ADGRL2: variants seen among roughly 807,000 people sequenced by gnomAD.
ADGRL2 encodes adhesion G protein-coupled receptor L2.
In ADGRL2, 44 loss-of-function variants were observed where a neutral mutation model predicts 157.4. The ratio of observed to expected loss-of-function variants is 0.28; its 90% CI spans 0.22 to 0.36. ADGRL2 has a LOEUF of 0.36. Among genes scored for constraint, ADGRL2 ranks in the 10% least tolerant of loss-of-function variants. ADGRL2 has a pLI of 1.00. For missense variants in ADGRL2, 1,510 were observed against 1,768.9 expected (o/e 0.85, Z 2.63); for synonymous variants, 585 against 624.7 (o/e 0.94, Z 0.95).
chr1:81,990,145 A>ATTT (rs1664293527), intron 23 of ADGRL2: 1 of 985,212 alleles, frequency 1.0e-6, no homozygotes, highest in African/African-American at 1.7e-5. Flanking sequence ...TGAAATTGAT[A>ATTT]AAGTATTACT....
intron 3 of ADGRL2, among the ~76,000 whole-genome samples, chr1:81,582,485 G>A (rs895641099): frequency 2.6e-5 from 4 of 152,030 alleles, no homozygotes; most frequent in East Asian, 1.9e-4. Flanking sequence ...TTCCTTACAT[G>A]TTTTGAAAAG....
intron 3 of ADGRL2, among the ~76,000 whole-genome samples, chr1:81,691,019 T>C (rs2148989920): frequency 6.6e-6 from 1 of 152,332 alleles, no homozygotes; most frequent in African/African-American, 2.4e-5. Flanking sequence ...GGAAAATTTA[T>C]GAGATTCGTA....
intron 3 of ADGRL2, among the ~76,000 whole-genome samples, chr1:81,908,855 A>G (rs1376256105): frequency 6.8e-6 from 1 of 146,290 alleles, no homozygotes; most frequent in Admixed American, 7.0e-5. Context: ...CTTAACTGTC[A>G]TCTGTACATC....
rs182057611 is a variant in ADGRL2 at position 81,358,120 on chromosome 1, C to T, written c.-302+51611C>T. Among the ~76,000 whole-genome samples the T allele has an allele frequency of 5.2e-3, 791 of 152,204 alleles. 5 individuals are homozygous for T. The highest frequency in any genetic ancestry group is 7.2e-3 in the Non-Finnish European group (488 of 67,998). The stretch of plus-strand genomic sequence containing the variant: ...CAAGCCCCCAGCGTGAAAATTAGAC[C>T]TCTAATTCCCTTGTCAACATAATTT... On this transcript the variant is annotated intron_variant, in intron 1 of 24. Transcript: ENST00000370721.
chr1:81,520,544 G>A (rs1450085871), intron 2 of ADGRL2, among the ~76,000 whole-genome samples: 1 of 152,116 alleles, frequency 6.6e-6, no homozygotes, highest in Non-Finnish European at 1.5e-5. Context: ...TCATGGGGGT[G>A]GTTTCTCCCA....
At chr1:81,555,780 C>A (rs890434631) in intron 2 of ADGRL2, among the ~76,000 whole-genome samples, 1 of 152,068 alleles carries the variant, frequency 6.6e-6, no homozygotes. Context: ...CCTTCCTTAA[C>A]GGAAAATGTT....
chr1:81,611,137 A>G (rs1410673771), intron 3 of ADGRL2, among the ~76,000 whole-genome samples: 1 of 152,202 alleles, frequency 6.6e-6, no homozygotes, highest in Non-Finnish European at 1.5e-5. Flanking sequence ...TGATAATCCT[A>G]TCCTTCTTAA....
chr1:81,810,180 A>C (rs1469368581), intron 1 of ADGRL2, among the ~76,000 whole-genome samples: 8 of 151,970 alleles, frequency 5.3e-5, no homozygotes. Flanking sequence ...CTAATCATTT[A>C]TTCTTAACAT....
At chr1:81,380,370 G>A (rs938401098) in intron 1 of ADGRL2, among the ~76,000 whole-genome samples, 4 of 152,188 alleles carry the variant, frequency 2.6e-5, no homozygotes, top group Middle Eastern at 3.4e-3. Context: ...CATATTTTAT[G>A]TTTATAAAGC....
chr1:81,596,565 C>A, intron 3 of ADGRL2: 2 of 293,316 alleles, frequency 6.8e-6, no homozygotes, highest in South Asian at 3.6e-5. Context: ...AGCGGTGAGT[C>A]AGGAGAAGGA....
Position 81,943,556 on chromosome 1 carries a change from C to G in ADGRL2, c.997C>G (p.Gln333Glu). 1.2e-6 allele frequency: 2 copies of G among 1,613,706 alleles called. No individual in the cohort carries two copies. Among genetic ancestry groups the G allele is most frequent in the Non-Finnish European group, 1.7e-6 (2 of 1,179,736 alleles). ...CCTCTATGTGGTTAGGTCAGTTTAT[C>G]AAGACAATGAAAGTGAAACAGGCAA... ...GVLYVVRSVY[Q>E]DNESETGKNS... The change falls in exon 6 of 24, where the codon CAA (glutamine) becomes GAA (glutamate). Residue 333 changes from glutamine (Q) to glutamate (E), a missense_variant. Gln to Glu is a conservative substitution (Grantham distance 29). This residue lies in a region of ADGRL2 where 361 missense variants were observed against 498.4 expected (regional missense o/e 0.72). Coordinates refer to ENST00000686636, the MANE Select transcript of ADGRL2 (RefSeq NM_001366006.2). This position sits in a 1 kb window ranked among gnomAD's most constrained non-coding sequence, Gnocchi z 5.6.
chr1:81,772,971 C>T (rs989843796), intron 2 of ADGRL2, among the ~76,000 whole-genome samples: 1 of 152,070 alleles, frequency 6.6e-6, no homozygotes, highest in African/African-American at 2.4e-5. Context: ...GCCCAAATCT[C>T]CAGGACTTTC....
At chr1:81,512,268 G>A (rs1466623046) in intron 2 of ADGRL2, among the ~76,000 whole-genome samples, 3 of 120,228 alleles carry the variant, frequency 2.5e-5, no homozygotes, top group Non-Finnish European at 4.6e-5. Context: ...TTCTTACAGG[G>A]AGACTATGTG....
chr1:81,968,256 C>A, intron 14 of ADGRL2, 57 bp downstream of exon 14: 1 of 1,422,184 alleles, frequency 7.0e-7, no homozygotes, highest in East Asian at 2.3e-5. Context: ...TTCAAAACAG[C>A]TTGTATAATA....
intron 2 of ADGRL2, among the ~76,000 whole-genome samples, chr1:81,555,869 A>C (rs2080262692): frequency 6.6e-6 from 1 of 152,200 alleles, no homozygotes; most frequent in South Asian, 2.1e-4. Context: ...AGCAAGCTTT[A>C]GCCCCTTGTA....
At chr1:81,955,844 TC>T (rs748744873) in intron 10 of ADGRL2, 32 bp from the exon 11 acceptor site, 1 of 1,449,348 alleles carries the variant, frequency 6.9e-7, no homozygotes, top group African/African-American at 1.4e-5. Flanking sequence ...CTAAAAGCGG[TC>T]AAAACTAATG....
At chr1:81,347,225 G>A (rs907527574) in intron 1 of ADGRL2, among the ~76,000 whole-genome samples, 3 of 151,820 alleles carry the variant, frequency 2.0e-5, no homozygotes, top group Admixed American at 6.6e-5. Context: ...GTGGCAAAAC[G>A]CTGTCTCTAC....
chr1:81,943,815 AT>A lies in ADGRL2; in HGVS notation c.1210+51del, dbSNP rs758829956. ...ATGCTTATGTCATTTTGTGAAAAGC[AT>A]TTTTCTTTTTAAAGACTTCTTAATT... On this transcript the variant is annotated intron_variant, in intron 6 of 23. Coordinates refer to ENST00000686636, the MANE Select transcript of ADGRL2 (RefSeq NM_001366006.2). The surrounding 1 kb of genome is among the most constrained non-coding windows in gnomAD (Gnocchi z 5.6). 1.2e-5 allele frequency: 17 copies of A among 1,466,766 alleles called. No individual in the cohort carries two copies. In the African/African-American group the frequency reaches 1.4e-4, roughly 12 times the overall value. 90.9% of individuals were successfully genotyped at this position (1,466,766 alleles called of 1,614,324 possible).
At chr1:81,830,787 G>A (rs968670881) in intron 1 of ADGRL2, among the ~76,000 whole-genome samples, 3 of 152,164 alleles carry the variant, frequency 2.0e-5, no homozygotes, top group East Asian at 1.9e-4. Context: ...GATTACAGGC[G>A]TGAGCCACCG....
Sources: gnomAD v4.1 joint callset for allele counts (sites outside exome capture counted in the v4.1 genomes callset) on GRCh38, gnomAD v4.1.1 for gene constraint, gnomAD v4.1.1 regional missense constraint, Gnocchi (gnomAD v3.1) non-coding constraint, MANE v1.5 for transcripts, NCBI Gene and HGNC (gene_info 2026-07-23, HGNC 2026-07-21) for gene names.